PSPC1: variants seen among roughly 807,000 people sequenced by gnomAD.
PSPC1 encodes paraspeckle protein 1.
Under a neutral mutation model 51.6 loss-of-function variants are expected in PSPC1, and 14 were observed. The observed-to-expected ratio is 0.27, with a 90% CI of 0.18 to 0.42. The LOEUF (loss-of-function observed/expected upper bound fraction) is 0.42. PSPC1 is among the 10% of genes least tolerant of loss of function. The probability of loss-of-function intolerance (pLI) is 1.00; values close to 1 mark genes in which losing one functional copy is unlikely to be tolerated. For missense variants in PSPC1, 406 were observed against 701.1 expected (o/e 0.58, Z 4.75); for synonymous variants, 193 against 231.9 (o/e 0.83, Z 1.53).
Position 19,703,019 on chromosome 13 carries a change from A to G in PSPC1, c.*156T>C, listed in dbSNP as rs971050352. The G allele has an allele frequency of 1.9e-6, 1 of 523,338 alleles. No individual in the cohort carries two copies. The highest frequency in any genetic ancestry group is 3.5e-6 in the Non-Finnish European group (1 of 287,556). 32.4% of individuals were successfully genotyped at this position (523,338 alleles called of 1,614,324 possible). On this transcript the variant is annotated 3_prime_UTR_variant, in exon 9 of 9. Transcript: ENST00000338910. The stretch of plus-strand genomic sequence containing the variant: ...ATTCTAATCTACAAAGCTCATGAAT[A>G]AAGAAAAATACAAAAACCTCAAGTT...
chr13:19,681,241 G>T (rs1877239182), intron 6 of PSPC1, among the ~76,000 whole-genome samples: 1 of 152,014 alleles, frequency 6.6e-6, no homozygotes, highest in African/African-American at 2.4e-5. Flanking sequence ...AAAATGTAAA[G>T]ATATTTTTAA....
At chr13:19,730,978 AAC>A (rs1884036934) in intron 5 of PSPC1, among the ~76,000 whole-genome samples, 3 of 142,232 alleles carry the variant, frequency 2.1e-5, no homozygotes, top group African/African-American at 5.0e-5. Flanking sequence ...AAAAAAAAAA[AAC>A]AGAAAAAGTC....
At chr13:19,715,176 G>A (rs1881947082) in intron 6 of PSPC1, among the ~76,000 whole-genome samples, 1 of 152,096 alleles carries the variant, frequency 6.6e-6, no homozygotes, top group Non-Finnish European at 1.5e-5. Flanking sequence ...CCTTTAGCAG[G>A]ACTTTGGCAC....
chr13:19,759,584 G>A (rs531096953), intron 2 of PSPC1, among the ~76,000 whole-genome samples, 166 bp from the exon 3 acceptor site: 5 of 152,124 alleles, frequency 3.3e-5, no homozygotes, highest in South Asian at 4.1e-4. Flanking sequence ...GTCAACAGCC[G>A]AAGCAGTGGC....
downstream of PSPC1, among the ~76,000 whole-genome samples, chr13:19,700,731 A>G (rs986218661): frequency 6.6e-6 from 1 of 152,106 alleles, no homozygotes. Flanking sequence ...ACAAACTATC[A>G]TAATATTGTT....
intron 6 of PSPC1, among the ~76,000 whole-genome samples, chr13:19,687,323 A>G (rs1440218305): frequency 6.6e-6 from 1 of 152,196 alleles, no homozygotes; most frequent in Admixed American, 6.5e-5. Context: ...AATGGTTTCC[A>G]CGTATTCCAG....
chr13:19,769,532 G>C (rs1340623500), intron 2 of PSPC1, among the ~76,000 whole-genome samples: 1 of 149,784 alleles, frequency 6.7e-6, no homozygotes, highest in Admixed American at 6.7e-5. Context: ...CGGCCTGGGG[G>C]ACAGAGCGAG....
chr13:19,691,870 A>T (rs1390397750), intron 6 of PSPC1, among the ~76,000 whole-genome samples: 1 of 152,086 alleles, frequency 6.6e-6, no homozygotes, highest in Non-Finnish European at 1.5e-5. Flanking sequence ...GTGAGCAGAG[A>T]TTGCACCACT....
intron 5 of PSPC1, among the ~76,000 whole-genome samples, chr13:19,733,196 T>A (rs1048733878): frequency 1.3e-5 from 2 of 152,210 alleles, no homozygotes; most frequent in Non-Finnish European, 2.9e-5. Flanking sequence ...GAGACAAGGT[T>A]CACTGACACC....
intron 5 of PSPC1, among the ~76,000 whole-genome samples, chr13:19,730,946 GAAAAAAAAAACAAAAAAACAAAA>G (rs1431010912): frequency 1.2e-4 from 3 of 25,222 alleles, no homozygotes; most frequent in Non-Finnish European, 3.1e-4. Context: ...CCCTGTCTCA[GAAAAAAAAAACAAAAAAACAAAA>G]AAAAAAAAAA....
chr13:19,737,651 C>G (rs752133378), intron 5 of PSPC1, among the ~76,000 whole-genome samples: 1 of 151,972 alleles, frequency 6.6e-6, no homozygotes, highest in Non-Finnish European at 1.5e-5. Context: ...ATGCAAAAAC[C>G]CTGTTTCTCA....
At chr13:19,735,034 G>A (rs926650438) in intron 5 of PSPC1, among the ~76,000 whole-genome samples, 8 of 151,696 alleles carry the variant, frequency 5.3e-5, no homozygotes, top group African/African-American at 1.4e-4. Context: ...AAGTGGGGCC[G>A]GGTGCGGTGG....
chr13:19,756,742 G>A (rs1328806682), intron 3 of PSPC1, among the ~76,000 whole-genome samples: 2 of 151,490 alleles, frequency 1.3e-5, no homozygotes, highest in Non-Finnish European at 1.5e-5. Flanking sequence ...TGATCTGCCC[G>A]CCTCGGCCTC....
chr13:19,674,511 T>C (rs1341594223), downstream of PSPC1: 1 of 152,144 alleles, frequency 6.6e-6, no homozygotes, highest in Non-Finnish European at 1.5e-5. Context: ...GCTTTGAAAG[T>C]GAAGCACCCT....
In PSPC1 at chr13:19,772,536, C is replaced by A; in HGVS notation, c.380G>T (p.Arg127Ile). ...RGFGFIRLES[R>I]TLAEIAKAEL... is the part of the protein sequence containing the mutation. ...TGCTTTTGCAATTTCAGCCAGGGTT[C>A]TGGATTCCTTTTTAGGAAGAAAAAA... Residue 127 changes from arginine to isoleucine, a missense_variant, in exon 2 of 9, where the codon AGA becomes ATA. Around this residue, in one of 5 missense-constraint regions of PSPC1, gnomAD observed 180 missense variants for 337.9 expected, o/e 0.53. Coordinates refer to ENST00000338910, the MANE Select transcript of PSPC1 (RefSeq NM_001354909.2). 1 of 1,580,922 alleles carries A rather than the reference C, an allele frequency of 6.3e-7. No homozygotes were observed. Among genetic ancestry groups the A allele is most frequent in the Non-Finnish European group, 8.6e-7 (1 of 1,164,550 alleles).
chr13:19,727,067 A>G (rs933604479), intron 6 of PSPC1, among the ~76,000 whole-genome samples: 8 of 152,352 alleles, frequency 5.3e-5, no homozygotes, highest in Admixed American at 2.0e-4. Flanking sequence ...TCTTTATTGA[A>G]AAGGCAAACA....
intron 6 of PSPC1, among the ~76,000 whole-genome samples, chr13:19,683,102 C>G (rs775091759): frequency 6.6e-6 from 1 of 151,862 alleles, no homozygotes; most frequent in Non-Finnish European, 1.5e-5. Flanking sequence ...AAGAAAGAAA[C>G]TGCCCTATAC....
intron 6 of PSPC1, among the ~76,000 whole-genome samples, chr13:19,689,730 A>G (rs1565961027): frequency 6.6e-6 from 1 of 152,224 alleles, no homozygotes; most frequent in Non-Finnish European, 1.5e-5. Flanking sequence ...TATTTCACAA[A>G]CGGAGACTAA....
At chr13:19,729,946 A>G (rs868699769) in intron 6 of PSPC1, among the ~76,000 whole-genome samples, 3 of 152,224 alleles carry the variant, frequency 2.0e-5, no homozygotes, top group African/African-American at 2.4e-5. Context: ...AAATCAGTCA[A>G]GTGGAAATGA....
Sources: allele counts gnomAD v4.1 joint callset (sites outside exome capture counted in the v4.1 genomes callset), GRCh38; gene constraint gnomAD v4.1.1; regional missense constraint gnomAD v4.1.1; transcripts MANE v1.5; gene names NCBI Gene and HGNC (gene_info 2026-07-23, HGNC 2026-07-21).